Variants in SOBP observed in about 807,000 individuals in gnomAD.
SOBP encodes the protein sine oculis-binding protein homolog.
SOBP carries 4 observed loss-of-function variants against 53.6 expected under a neutral mutation model. The ratio of observed to expected loss-of-function variants is 0.07; its 90% CI spans 0.04 to 0.17. The LOEUF is 0.17. Ranked by LOEUF, SOBP falls within the 10% of genes least tolerant of loss-of-function variation. The probability of loss-of-function intolerance (pLI) is 1.00; values close to 1 mark genes in which losing one functional copy is unlikely to be tolerated. For synonymous variants in SOBP, 584 were observed against 522.6 expected (o/e 1.12, Z -1.60); for missense variants, 1,088 against 1,204.7 (o/e 0.90, Z 1.43).
chr6:107,502,701 T>G (rs1583147077), intron 1 of SOBP, among the ~76,000 whole-genome samples: 1 of 152,276 alleles, frequency 6.6e-6, no homozygotes, highest in East Asian at 1.9e-4. Flanking sequence ...GACCTTAGAT[T>G]TTATGGAAAA....
chr6:107,597,273 A>T (rs1178888038), intron 5 of SOBP, among the ~76,000 whole-genome samples: 1 of 152,234 alleles, frequency 6.6e-6, no homozygotes, highest in Admixed American at 6.5e-5. Flanking sequence ...TCAATCAGTG[A>T]TGCTTTTAAG....
chr6:107,651,775 G>A lies in SOBP; in HGVS notation c.*4-6432G>A, dbSNP rs77760836. Among the ~76,000 whole-genome samples, 274 of 152,280 alleles carry A rather than the reference G, an allele frequency of 1.8e-3. 2 individuals carry two copies. In the East Asian group the frequency reaches 0.035, roughly 19 times the overall value. On this transcript the variant is annotated intron_variant, in intron 6 of 6. Coordinates refer to ENST00000317357, the MANE Select transcript of SOBP (RefSeq NM_018013.4). Reference sequence around the variant, plus strand: ...TCTCTTGGTAGGGGCTAATGCTGCCGGTGACCTTAAGTGGAAGCCAGTGTT... The same window carrying A: ...TCTCTTGGTAGGGGCTAATGCTGCCAGTGACCTTAAGTGGAAGCCAGTGTT...
chr6:107,550,773 C>T (rs546281876), intron 4 of SOBP, among the ~76,000 whole-genome samples: 12 of 152,324 alleles, frequency 7.9e-5, no homozygotes, highest in African/African-American at 2.9e-4. Flanking sequence ...GAGAGCGCCA[C>T]ATGTCACACA....
At chr6:107,559,181 A>C (rs1439901942) in intron 4 of SOBP, among the ~76,000 whole-genome samples, 2 of 152,250 alleles carry the variant, frequency 1.3e-5, no homozygotes, top group Non-Finnish European at 2.9e-5. Flanking sequence ...TTAACCAAAT[A>C]AGATTAAATG....
chr6:107,614,182 A>T (rs898435842), intron 5 of SOBP, among the ~76,000 whole-genome samples: 2 of 152,162 alleles, frequency 1.3e-5, no homozygotes, highest in South Asian at 2.1e-4. Context: ...CGGGAGGATC[A>T]CTTGAGGCCA....
intron 6 of SOBP, among the ~76,000 whole-genome samples, chr6:107,653,623 G>A (rs1265057401): frequency 6.6e-6 from 1 of 152,314 alleles, no homozygotes; most frequent in Non-Finnish European, 1.5e-5. Context: ...GAGGAAGACA[G>A]GACAGACCTA....
Position 107,490,497 on chromosome 6 carries a change from AC to A in SOBP, c.-118del. 1 of 731,680 alleles carries A rather than the reference AC, an allele frequency of 1.4e-6. No homozygotes were observed. The highest frequency in any genetic ancestry group is 2.4e-6 in the Non-Finnish European group (1 of 420,176). The allele number at this position is 731,680 out of a possible 1,614,324, so 45.3% of individuals were successfully genotyped here. A position where few individuals can be genotyped will look rare whatever the true frequency, so the allele number is the denominator to read the frequency against. On this transcript the variant is annotated 5_prime_UTR_variant, in exon 1 of 7. Coordinates refer to ENST00000317357, the MANE Select transcript of SOBP (RefSeq NM_018013.4). ...CGCGGCTCGGTCCGGCCCCGCCAGC[AC>A]CGCTACCTCCGCCAGCCTCGCCACC...
rs1393839754 is a variant in SOBP at position 107,659,973 on chromosome 6, C to G, written c.*1770C>G. 6.6e-6 allele frequency: 1 copy of G among 152,298 alleles called. No homozygotes were observed. The highest frequency in any genetic ancestry group is 2.4e-5 in the African/African-American group (1 of 41,410). 9.4% of individuals were successfully genotyped at this position (152,298 alleles called of 1,614,324 possible). ...TAAACAAAAGAAAACCTTCCAGCAA[C>G]AAATTAAAAAATAATAACAAATCAA... On this transcript the variant is annotated 3_prime_UTR_variant, in exon 7 of 7. Transcript: ENST00000317357.
At chr6:107,622,135 C>G (rs1770207269) in intron 5 of SOBP, among the ~76,000 whole-genome samples, 1 of 152,108 alleles carries the variant, frequency 6.6e-6, no homozygotes, top group African/African-American at 2.4e-5. Flanking sequence ...TTATGCAGCA[C>G]TTTTTATTTT....
intron 5 of SOBP, among the ~76,000 whole-genome samples, chr6:107,631,920 A>G (rs1770730444): frequency 1.3e-5 from 2 of 152,240 alleles, no homozygotes; most frequent in Non-Finnish European, 2.9e-5. Flanking sequence ...GAGAAGGAAA[A>G]GAGTGGATTT....
At chr6:107,496,504 A>T (rs1202064452) in intron 1 of SOBP, among the ~76,000 whole-genome samples, 1 of 152,238 alleles carries the variant, frequency 6.6e-6, no homozygotes, top group African/African-American at 2.4e-5. Flanking sequence ...TATCAATAAG[A>T]GAGTAAGACT....
chr6:107,522,416 C>T (rs1296419871), intron 3 of SOBP, among the ~76,000 whole-genome samples: 2 of 151,988 alleles, frequency 1.3e-5, no homozygotes, highest in East Asian at 3.9e-4. Flanking sequence ...GTATTGGTGG[C>T]TTCACTGGGA....
intron 5 of SOBP, among the ~76,000 whole-genome samples, chr6:107,631,834 C>T (rs1253812000): frequency 6.6e-6 from 1 of 152,188 alleles, no homozygotes; most frequent in African/African-American, 2.4e-5. Flanking sequence ...CTAAACAAAA[C>T]ACGAATGTGT....
chr6:107,587,581 G>A (rs1351013743), intron 5 of SOBP, among the ~76,000 whole-genome samples: 11 of 152,180 alleles, frequency 7.2e-5, no homozygotes, highest in Non-Finnish European at 2.9e-5. Flanking sequence ...TGTTCTGCTA[G>A]GGAAGATAGC....
At chr6:107,508,030 A>T (rs1479056503) in intron 3 of SOBP, among the ~76,000 whole-genome samples, 1 of 152,064 alleles carries the variant, frequency 6.6e-6, no homozygotes, top group African/African-American at 2.4e-5. Flanking sequence ...AACGCTGGTT[A>T]TTTTTCTGTA....
At chr6:107,584,419 G>A (rs1288784363) in intron 4 of SOBP, among the ~76,000 whole-genome samples, 1 of 152,154 alleles carries the variant, frequency 6.6e-6, no homozygotes, top group Non-Finnish European at 1.5e-5. Context: ...TGAGAAGTGT[G>A]TGTGAGTTAT....
At chr6:107,646,182 G>A (rs1044689965) in intron 6 of SOBP, among the ~76,000 whole-genome samples, 1 of 152,238 alleles carries the variant, frequency 6.6e-6, no homozygotes, top group Non-Finnish European at 1.5e-5. Flanking sequence ...ATTGCAGAAC[G>A]TCATCGCTGG....
intron 4 of SOBP, among the ~76,000 whole-genome samples, chr6:107,561,209 A>G (rs2115025029): frequency 6.6e-6 from 1 of 152,320 alleles, no homozygotes; most frequent in East Asian, 1.9e-4. Context: ...GTCTTGAGAC[A>G]TTTCAGCTAA....
At chr6:107,544,496 T>C (rs1311640778) in intron 4 of SOBP, among the ~76,000 whole-genome samples, 1 of 152,202 alleles carries the variant, frequency 6.6e-6, no homozygotes, top group Non-Finnish European at 1.5e-5. Context: ...CATGATAGTA[T>C]TGGGCACAGT....
Sources: allele counts gnomAD v4.1 joint callset (sites outside exome capture counted in the v4.1 genomes callset), GRCh38; gene constraint gnomAD v4.1.1; transcripts MANE v1.5; gene names NCBI Gene and HGNC (gene_info 2026-07-23, HGNC 2026-07-21).